KMT2A: variants seen among roughly 807,000 people sequenced by gnomAD.
KMT2A encodes the protein histone-lysine N-methyltransferase 2A.
Under a neutral mutation model 345.3 loss-of-function variants are expected in KMT2A, and 16 were observed. The ratio of observed to expected loss-of-function variants is 0.05; its 90% confidence interval spans 0.03 to 0.07. The LOEUF (loss-of-function observed/expected upper bound fraction) is 0.07, where lower values mean the gene tolerates loss of function less well. Among genes scored for constraint, KMT2A ranks in the 10% least tolerant of loss-of-function variants. The pLI is 1.00. For missense variants in KMT2A, 3,272 were observed against 4,841.6 expected (o/e 0.68, Z 9.62); for synonymous variants, 1,599 against 1,778.6 (o/e 0.90, Z 2.54).
chr11:118,482,436 A>G lies in KMT2A; in HGVS notation c.4027A>G (p.Lys1343Glu). 1 of 1,613,604 alleles carries G rather than the reference A, an allele frequency of 6.2e-7. No individual in the cohort carries two copies. The highest frequency in any genetic ancestry group is 8.5e-7 in the Non-Finnish European group (1 of 1,179,736). Reference sequence around the variant, plus strand: ...GAATTTTTTAGGTCCAGAGCAGAGCAAACAGAAAAAAGTGGCTCCCCGCCC... The same window carrying G: ...GAATTTTTTAGGTCCAGAGCAGAGCGAACAGAAAAAAGTGGCTCCCCGCCC... ...PPPESGPEQS[K>E]QKKVAPRPSI... The change falls in exon 8 of 36, where the codon AAA becomes GAA. Residue 1343 changes from lysine (K) to glutamate (E), a missense_variant. Physicochemically the swap from Lys to Glu is moderately conservative, Grantham distance 56. Coordinates refer to ENST00000534358, the MANE Select transcript of KMT2A (RefSeq NM_001197104.2).
chr11:118,441,154 A>G (rs77487830), intron 1 of KMT2A, among the ~76,000 whole-genome samples: 3,958 of 152,092 alleles, frequency 0.026, 81 homozygotes, highest in Non-Finnish European at 0.037. Flanking sequence ...GTCAGAGTCA[A>G]GTGAGACGAT....
intron 23 of KMT2A, 66 bp from the exon 24 acceptor site, chr11:118,499,769 G>C (rs1271924782): frequency 6.6e-6 from 8 of 1,204,570 alleles, no homozygotes; most frequent in Non-Finnish European, 9.9e-6. Context: ...GACAGAGTGA[G>C]ACTCTCTCAA....
Position 118,476,665 on chromosome 11 carries a change from T to C in KMT2A, c.3157-140T>C, listed in dbSNP as rs987768444. ...GTAATAGTTGATTTCTGTTTTGATATGATTTATCAGCTGGGAATAATTAGA... is the reference window on the plus strand; with the variant it reads ...GTAATAGTTGATTTCTGTTTTGATACGATTTATCAGCTGGGAATAATTAGA... On this transcript the variant is annotated intron_variant, in intron 3 of 35. Transcript: ENST00000534358. The surrounding 1 kb of genome is among the most constrained non-coding windows in gnomAD (Gnocchi z 4.1). The C allele has an allele frequency of 1.9e-5, 13 of 695,220 alleles. No homozygotes were observed. The highest frequency in any genetic ancestry group is 3.6e-4 in the Middle Eastern group (1 of 2,744). The allele number at this position is 695,220 out of a possible 1,614,324, so 43.1% of individuals were successfully genotyped here.
chr11:118,471,393 T>C (rs1477680365), intron 2 of KMT2A, among the ~76,000 whole-genome samples: 1 of 152,230 alleles, frequency 6.6e-6, no homozygotes, highest in Non-Finnish European at 1.5e-5. Context: ...ATCAGTTTTG[T>C]GGATTAATTG....
rs2134265489 is a variant in KMT2A, at chr11:118,473,127, A to G, written c.1968A>G (p.Leu656=). ...TTGATAATTTCCGACCCCCTCCACT[A>G]ACTCCCGAGGACGTTGGCTTTGCAT... is the stretch of plus-strand genomic sequence containing the variant. The part of the protein sequence containing the change: ...PIFDNFRPPP[L]TPEDVGFASG... Residue 656 remains leucine (L), a synonymous_variant, in exon 3 of 36, where the codon CTA becomes CTG. Transcript: ENST00000534358. The surrounding 1 kb of genome is among the most constrained non-coding windows in gnomAD (Gnocchi z 5.2). 1 of 1,614,102 alleles carries G rather than the reference A, an allele frequency of 6.2e-7. No individual in the cohort carries two copies. The highest frequency in any genetic ancestry group is 8.5e-7 in the Non-Finnish European group (1 of 1,180,026).
In KMT2A at chr11:118,497,876, G is replaced by C; in HGVS notation, c.5665-60G>C. The C allele has an allele frequency of 7.2e-7, 1 of 1,379,594 alleles. No individual in the cohort carries two copies. Among genetic ancestry groups the C allele is most frequent in the Non-Finnish European group, 1.0e-6 (1 of 978,558 alleles). The allele number at this position is 1,379,594 out of a possible 1,614,324, so 85.5% of individuals were successfully genotyped here. A position where few individuals can be genotyped will look rare whatever the true frequency, so the allele number is the denominator to read the frequency against. ...TATCTTCACTGGAAAAGCTAATGCC[G>C]AGGAAAACCTCCTTTGGCATTATAT... On this transcript the variant is annotated intron_variant, in intron 20 of 35. Transcript: ENST00000534358. The surrounding 1 kb of genome is among the most constrained non-coding windows in gnomAD (Gnocchi z 4.8).
At chr11:118,442,238 G>A (rs1555026028) in intron 1 of KMT2A, among the ~76,000 whole-genome samples, 1 of 152,184 alleles carries the variant, frequency 6.6e-6, no homozygotes, top group Non-Finnish European at 1.5e-5. Flanking sequence ...CTTTGAGAAG[G>A]GGGAAGCTTT....
At chr11:118,499,792 A>G (rs782630630) in intron 23 of KMT2A, 43 bp from the exon 24 acceptor site, 2 of 1,411,442 alleles carry the variant, frequency 1.4e-6, no homozygotes, top group Non-Finnish European at 2.0e-6. Context: ...AAATAAAATG[A>G]CGCTCATAAT....
chr11:118,500,878 C>G (rs1423524591), intron 24 of KMT2A, 109 bp from the exon 25 acceptor site: 6 of 755,130 alleles, frequency 7.9e-6, no homozygotes, highest in Middle Eastern at 3.2e-4. Context: ...AAGCTAAACT[C>G]TGTAATTAAG....
chr11:118,473,379 G>A lies in KMT2A; in HGVS notation c.2220G>A (p.Val740=), dbSNP rs938208454. The change falls in exon 3 of 36, where the codon GTG becomes GTA. Residue 740 remains valine (V), a synonymous_variant. Coordinates refer to ENST00000534358, the MANE Select transcript of KMT2A (RefSeq NM_001197104.2). This position sits in a 1 kb window ranked among gnomAD's most constrained non-coding sequence, Gnocchi z 5.2. The part of the protein sequence containing the change: ...GVSNRKRKRK[V]FSPIRSEPRS... Reference sequence around the variant, plus strand: ...CCAATAGAAAAAGGAAAAGAAAAGTGTTTAGTCCTATTCGATCTGAACCAA... The same window carrying A: ...CCAATAGAAAAAGGAAAAGAAAAGTATTTAGTCCTATTCGATCTGAACCAA... The A allele has an allele frequency of 3.1e-6, 5 of 1,614,018 alleles. No individual in the cohort carries two copies. The highest frequency in any genetic ancestry group is 1.3e-5 in the African/African-American group (1 of 74,898).
At chr11:118,518,584 C>T (rs1182155316) in intron 31 of KMT2A, among the ~76,000 whole-genome samples, 1 of 151,490 alleles carries the variant, frequency 6.6e-6, no homozygotes, top group African/African-American at 2.4e-5. Context: ...AGTTTAAGAC[C>T]AGCCTGGCCA....
chr11:118,505,139 G>A lies in KMT2A; in HGVS notation c.9247G>A (p.Val3083Ile), dbSNP rs1950559727. The A allele has an allele frequency of 3.1e-6, 5 of 1,614,124 alleles. No homozygotes were observed. Among genetic ancestry groups the A allele is most frequent in the Non-Finnish European group, 4.2e-6 (5 of 1,180,022 alleles). ...GAAGCCAGCCACTGAGAAACTCATA[G>A]TTGTTAACCAGAACATGCAGCCACT... ...HLKPATEKLI[V>I]VNQNMQPLYV... Residue 3083 changes from valine (V) to isoleucine (I), a missense_variant, in exon 27 of 36, where the codon GTT becomes ATT. By Grantham distance (29) the Val-to-Ile change is conservative (BLOSUM62 3). Around this residue, in one of 27 missense-constraint regions of KMT2A, gnomAD observed 748 missense variants for 922.2 expected, o/e 0.81. Coordinates refer to ENST00000534358, the MANE Select transcript of KMT2A (RefSeq NM_001197104.2). This position sits in a 1 kb window ranked among gnomAD's most constrained non-coding sequence, Gnocchi z 4.6.
chr11:118,442,258 A>G (rs1949330350), intron 1 of KMT2A, among the ~76,000 whole-genome samples: 1 of 152,196 alleles, frequency 6.6e-6, no homozygotes, highest in East Asian at 1.9e-4. Context: ...TGTGACTATC[A>G]CTACTTTGGG....
intron 23 of KMT2A, 57 bp from the exon 24 acceptor site, chr11:118,499,778 A>C (rs1406381866): frequency 3.7e-6 from 5 of 1,345,544 alleles, no homozygotes; most frequent in Non-Finnish European, 4.3e-6. Context: ...AGACTCTCTC[A>C]AAAAAATAAA....
rs1555049878 is a variant in KMT2A, at chr11:118,510,836, T to A, written c.11071+718T>A. Among the ~76,000 whole-genome samples, 1 of 152,094 alleles carries A rather than the reference T, an allele frequency of 6.6e-6. No individual in the cohort carries two copies. The highest frequency in any genetic ancestry group is 1.5e-5 in the Non-Finnish European group (1 of 68,016). On this transcript the variant is annotated intron_variant, in intron 30 of 35. Transcript: ENST00000534358. The surrounding 1 kb of genome is among the most constrained non-coding windows in gnomAD (Gnocchi z 4.1). ...GTGAGTTAGGGTTATCAAAAACCCA[T>A]GAAGATAAATAGAAGATTCTATTAA... is the stretch of plus-strand genomic sequence containing the variant.
At chr11:118,440,306 G>A (rs890796763) in intron 1 of KMT2A, among the ~76,000 whole-genome samples, 1 of 152,174 alleles carries the variant, frequency 6.6e-6, no homozygotes, top group Non-Finnish European at 1.5e-5. Flanking sequence ...AAGTAGAATT[G>A]AGGTTTTGTT....
intron 11 of KMT2A, among the ~76,000 whole-genome samples, chr11:118,489,211 G>A (rs1950283940): frequency 8.7e-6 from 1 of 115,276 alleles, no homozygotes; most frequent in Admixed American, 1.3e-4. Flanking sequence ...CAGCCTGGGT[G>A]ACACAGTGAG....
rs1169507855 is a variant in KMT2A, at chr11:118,491,847, A to G, written c.4923A>G (p.Lys1641=). Residue 1641 remains lysine, a synonymous_variant, in exon 15 of 36, where the codon AAA becomes AAG. Transcript: ENST00000534358. This position sits in a 1 kb window ranked among gnomAD's most constrained non-coding sequence, Gnocchi z 4.2. ...CAGAGTGGCGACTGGCCCTTGAAAAAGAGCTGCAGATTTCTCTGAAGCAAG... is the reference window on the plus strand; with the variant it reads ...CAGAGTGGCGACTGGCCCTTGAAAAGGAGCTGCAGATTTCTCTGAAGCAAG... ...HPAEWRLALE[K]ELQISLKQVL... 1.2e-6 allele frequency: 2 copies of G among 1,613,978 alleles called. No homozygotes were observed. Among genetic ancestry groups the G allele is most frequent in the African/African-American group, 2.7e-5 (2 of 74,928 alleles).
rs1949959647 is a variant in KMT2A, at chr11:118,472,481, C to T, written c.1322C>T (p.Ala441Val). Reference sequence around the variant, plus strand: ...GATTATGACCCTCCAATTAAAATTGCCCGATTAGAGTCTACACCGAATAGT... The same window carrying T: ...GATTATGACCCTCCAATTAAAATTGTCCGATTAGAGTCTACACCGAATAGT... ...DEDYDPPIKIARLESTPNSRF... is the reference protein window; with the variant it reads ...DEDYDPPIKIVRLESTPNSRF... Residue 441 changes from alanine (A) to valine (V), a missense_variant, in exon 3 of 36, where the codon GCC (alanine) becomes GTC (valine). Physicochemically the swap from Ala to Val is moderately conservative, Grantham distance 64. Coordinates refer to ENST00000534358, the MANE Select transcript of KMT2A (RefSeq NM_001197104.2). 1 of 1,613,506 alleles carries T rather than the reference C, an allele frequency of 6.2e-7. No homozygotes were observed. Among genetic ancestry groups the T allele is most frequent in the Non-Finnish European group, 8.5e-7 (1 of 1,179,892 alleles).
Sources: allele counts gnomAD v4.1 joint callset (sites outside exome capture counted in the v4.1 genomes callset), GRCh38; gene constraint gnomAD v4.1.1; regional missense constraint gnomAD v4.1.1; non-coding constraint Gnocchi (gnomAD v3.1); transcripts MANE v1.5; gene names NCBI Gene and HGNC (gene_info 2026-07-23, HGNC 2026-07-21).